The following NOS1 variants were observed in gnomAD, a reference collection of about 807,000 sequenced individuals.
The protein encoded by NOS1 is NOS type I.
Under a neutral mutation model 164.5 loss-of-function variants are expected in NOS1, and 51 were observed. The observed-to-expected ratio is 0.31, with a 90% CI of 0.25 to 0.39. NOS1 has a LOEUF of 0.39. Ranked by LOEUF, NOS1 falls within the 10% of genes least tolerant of loss-of-function variation. NOS1 has a pLI of 1.00. For missense variants in NOS1, 1,362 were observed against 1,885.6 expected (o/e 0.72, Z 5.14); for synonymous variants, 719 against 745.8 (o/e 0.96, Z 0.59).
At position 117,260,453 on chromosome 12, in the gene NOS1, C is replaced by G; in HGVS notation, c.2367+12G>C. The G allele has an allele frequency of 6.2e-7, 1 of 1,611,598 alleles. No individual in the cohort carries two copies. The highest frequency in any genetic ancestry group is 8.5e-7 in the Non-Finnish European group (1 of 1,178,044). The stretch of plus-strand genomic sequence containing the variant: ...TGAGAAGCTGGTGGAGCTAGGGCTA[C>G]CCCCCACCTACCTTGGCATCAAAGG... On this transcript the variant is annotated intron_variant, in intron 14 of 28. Coordinates refer to ENST00000317775, the MANE Select transcript of NOS1 (RefSeq NM_000620.5).
intron 22 of NOS1, among the ~76,000 whole-genome samples, chr12:117,231,424 T>C (rs1012997926): frequency 2.0e-5 from 3 of 152,156 alleles, no homozygotes; most frequent in Non-Finnish European, 2.9e-5. Context: ...AGAGTGGAAT[T>C]GGAATGTTCC....
chr12:117,288,008 G>A, intron 5 of NOS1, 66 bp downstream of exon 5: 1 of 1,592,980 alleles, frequency 6.3e-7, no homozygotes, highest in African/African-American at 1.3e-5. Flanking sequence ...CAAAGTTGGG[G>A]CTGACATCTT....
intron 1 of NOS1, among the ~76,000 whole-genome samples, chr12:117,336,344 C>T (rs1296326074): frequency 6.6e-6 from 1 of 152,168 alleles, no homozygotes; most frequent in Non-Finnish European, 1.5e-5. Context: ...CTAGCTTCCT[C>T]ATGCAGAAAC....
At position 117,211,064 on chromosome 12, in the gene NOS1, C is replaced by G. The variant is rs556919037; in HGVS notation, c.*4245G>C. 90 of 631,598 alleles carry G rather than the reference C, an allele frequency of 1.4e-4. No homozygotes were observed. The highest frequency in any genetic ancestry group is 1.7e-4 in the Non-Finnish European group (87 of 507,340). 39.1% of individuals were successfully genotyped at this position (631,598 alleles called of 1,614,324 possible). On this transcript the variant is annotated 3_prime_UTR_variant, in exon 29 of 29. Coordinates refer to ENST00000317775, the MANE Select transcript of NOS1 (RefSeq NM_000620.5). ...CTCCACCTCCTGGGCTCAAGCGATC[C>G]TCCTTCCTCAGCCTCCCAGGTAGCT...
intron 1 of NOS1, among the ~76,000 whole-genome samples, chr12:117,338,733 CAAGT>C (rs1875956708): frequency 6.6e-6 from 1 of 152,154 alleles, no homozygotes; most frequent in African/African-American, 2.4e-5. Flanking sequence ...AAGGTGCAAG[CAAGT>C]CAGTTCTGTA....
chr12:117,334,522 G>A (rs955510448), intron 1 of NOS1, among the ~76,000 whole-genome samples: 6 of 151,852 alleles, frequency 4.0e-5, no homozygotes, highest in Non-Finnish European at 8.8e-5. Flanking sequence ...TCAGCCTCCC[G>A]AGTAGCTGGG....
intron 3 of NOS1, among the ~76,000 whole-genome samples, chr12:117,297,619 C>T (rs558503764): frequency 7.2e-5 from 11 of 152,022 alleles, no homozygotes; most frequent in Admixed American, 2.0e-4. Flanking sequence ...CTCGAACTCC[C>T]GACCTCAGGT....
intron 3 of NOS1, among the ~76,000 whole-genome samples, chr12:117,299,889 T>G (rs1873700461): frequency 6.6e-6 from 1 of 152,048 alleles, no homozygotes; most frequent in South Asian, 2.1e-4. Context: ...ACTGGACAAC[T>G]TTCAGCTTGG....
At chr12:117,260,663 A>G in intron 13 of NOS1, 54 bp from the exon 14 acceptor site, 1 of 1,580,512 alleles carries the variant, frequency 6.3e-7, no homozygotes, top group Non-Finnish European at 8.6e-7. Context: ...GGGAGAGAAG[A>G]TGCTGGATTG....
chr12:117,342,088 C>T (rs958079164), intron 1 of NOS1, among the ~76,000 whole-genome samples: 1 of 152,146 alleles, frequency 6.6e-6, no homozygotes, highest in South Asian at 2.1e-4. Flanking sequence ...TTTTCTAACC[C>T]CCATCAACAT....
At chr12:117,285,821 G>A (rs1406904961) in intron 6 of NOS1, among the ~76,000 whole-genome samples, 1 of 152,180 alleles carries the variant, frequency 6.6e-6, no homozygotes, top group East Asian at 1.9e-4. Context: ...CAAGACAAAA[G>A]GGAGTGGTGA....
chr12:117,308,382 G>GTT (rs1835580684), intron 3 of NOS1, among the ~76,000 whole-genome samples: 1 of 152,050 alleles, frequency 6.6e-6, no homozygotes, highest in Non-Finnish European at 1.5e-5. Flanking sequence ...AGTGGCACCA[G>GTT]CCTGTAGTCC....
At position 117,361,586 on chromosome 12, in the gene NOS1, G is replaced by A. The variant is rs1449568082; in HGVS notation, c.-495C>T. On this transcript the variant is annotated 5_prime_UTR_variant, in exon 1 of 29. Coordinates refer to ENST00000317775, the MANE Select transcript of NOS1 (RefSeq NM_000620.5). ...GCGGCGCTAAGTAGCTCCTCACCCA[G>A]CGGCTGGAAACGCGGCATAAATATG... 6.6e-6 allele frequency: 1 copy of A among 152,102 alleles called. No homozygotes were observed. Among genetic ancestry groups the A allele is most frequent in the Non-Finnish European group, 1.5e-5 (1 of 68,036 alleles). The allele number at this position is 152,102 out of a possible 1,614,324, so 9.4% of individuals were successfully genotyped here.
chr12:117,350,862 C>T (rs1172796541), intron 1 of NOS1, among the ~76,000 whole-genome samples: 1 of 152,124 alleles, frequency 6.6e-6, no homozygotes, highest in South Asian at 2.1e-4. Flanking sequence ...GCCTGTAATC[C>T]CAGCCCTTTG....
Position 117,227,694 on chromosome 12 carries a change from C to T in NOS1, c.3406-53G>A, listed in dbSNP as rs148721113. 360 of 1,558,866 alleles carry T rather than the reference C, an allele frequency of 2.3e-4. 2 individuals are homozygous for T. In the African/African-American group the frequency reaches 4.0e-3, roughly 17 times the overall value. ...GCTTGAACCCAGCTGCCACATACTT[C>T]CCATGAGGACCTGAGGGGGTCCAGG... On this transcript the variant is annotated intron_variant, in intron 22 of 28. Coordinates refer to ENST00000317775, the MANE Select transcript of NOS1 (RefSeq NM_000620.5).
intron 1 of NOS1, among the ~76,000 whole-genome samples, chr12:117,332,142 ACT>A (rs748867019): frequency 6.6e-6 from 1 of 152,226 alleles, no homozygotes; most frequent in Admixed American, 6.5e-5. Flanking sequence ...GACAGCTGAA[ACT>A]CTGATGGAGA....
At chr12:117,347,700 C>G (rs1054100020) in intron 1 of NOS1, among the ~76,000 whole-genome samples, 2 of 152,088 alleles carry the variant, frequency 1.3e-5, no homozygotes, top group Admixed American at 1.3e-4. Context: ...TGATGGGATC[C>G]CCACCTCCGC....
chr12:117,291,560 G>A (rs994353354), intron 3 of NOS1, among the ~76,000 whole-genome samples: 4 of 117,572 alleles, frequency 3.4e-5, no homozygotes, highest in African/African-American at 1.3e-4. Context: ...TTGAGATAGG[G>A]TCTTGCTCTG....
chr12:117,225,877 C>T (rs1311214214), intron 24 of NOS1, among the ~76,000 whole-genome samples: 1 of 152,170 alleles, frequency 6.6e-6, no homozygotes, highest in Non-Finnish European at 1.5e-5. Context: ...GATCTGCCTT[C>T]CTTGGCCTCC....
Sources: gnomAD v4.1 joint callset for allele counts (sites outside exome capture counted in the v4.1 genomes callset) on GRCh38, gnomAD v4.1.1 for gene constraint, MANE v1.5 for transcripts, NCBI Gene and HGNC (gene_info 2026-07-23, HGNC 2026-07-21) for gene names.